The following VPS36 variants were observed in gnomAD, a reference collection of about 807,000 sequenced individuals.
VPS36 encodes vacuolar protein-sorting-associated protein 36.
In VPS36, 31 loss-of-function variants were observed where a neutral mutation model predicts 63.5. That is an observed-to-expected ratio of 0.49 (90% CI 0.37 to 0.66). The LOEUF (loss-of-function observed/expected upper bound fraction) is 0.66. Ranked by LOEUF, VPS36 falls within the 30% of genes least tolerant of loss-of-function variation. The pLI, the probability that VPS36 is intolerant of heterozygous loss-of-function variation, is 0.00. For synonymous variants in VPS36, 138 were observed against 157.2 expected, an observed-to-expected ratio of 0.88 and a Z score of 0.91; for missense variants, 338 against 463.7, an observed-to-expected ratio of 0.73 and a Z score of 2.49.
chr13:52,439,821 A>G (rs1314880913), intron 2 of VPS36, among the ~76,000 whole-genome samples: 1 of 152,218 alleles, frequency 6.6e-6, no homozygotes, highest in Non-Finnish European at 1.5e-5. Context: ...ACTGAAAGCA[A>G]AAAACAAATC....
At chr13:52,439,305 C>CT (rs1958250017) in intron 2 of VPS36, 137 bp from the exon 3 acceptor site, 6 of 660,668 alleles carry the variant, frequency 9.1e-6, no homozygotes, top group Non-Finnish European at 2.3e-6. Context: ...GATTTTACTC[C>CT]TTAAATGAAC....
chr13:52,432,432 C>T (rs1011109484), intron 6 of VPS36, among the ~76,000 whole-genome samples: 1 of 152,136 alleles, frequency 6.6e-6, no homozygotes, highest in Admixed American at 6.5e-5. Flanking sequence ...CAATTTATTA[C>T]CCTGATGATA....
At chr13:52,428,607 C>T (rs1045516162) in intron 6 of VPS36, among the ~76,000 whole-genome samples, 6 of 152,288 alleles carry the variant, frequency 3.9e-5, no homozygotes, top group East Asian at 3.9e-4. Flanking sequence ...AAACTCTGGG[C>T]GCCAGCTCTG....
intron 5 of VPS36, among the ~76,000 whole-genome samples, chr13:52,434,507 C>T (rs1314819805): frequency 5.3e-5 from 8 of 152,004 alleles, no homozygotes. Context: ...TACAGGCGTG[C>T]ACCAACCTGC....
At chr13:52,442,481 T>G (rs1037325422) in intron 1 of VPS36, 36 bp from the exon 2 acceptor site, 2 of 1,566,742 alleles carry the variant, frequency 1.3e-6, no homozygotes, top group Non-Finnish European at 1.7e-6. Flanking sequence ...ATTAATAACA[T>G]ATCACTCATT....
chr13:52,422,404 T>A (rs963302952), intron 10 of VPS36, among the ~76,000 whole-genome samples: 2 of 152,214 alleles, frequency 1.3e-5, no homozygotes, highest in Admixed American at 6.5e-5. Context: ...TTTTAAAAAA[T>A]GTTTATTTTA....
In VPS36 at chr13:52,434,798, G is replaced by T. The variant is rs1417073429; in HGVS notation, c.436C>A (p.Pro146Thr). The change falls in exon 5 of 14, where the codon CCC becomes ACC. Residue 146 changes from proline (P) to threonine (T), a missense_variant. By Grantham distance (38) the Pro-to-Thr change is conservative. Transcript: ENST00000378060. ...VSQSLQTNRG[P>T]QPGRIRAVGI... ...GCAAATAGTTTTAAAAATACCTGGG[G>T]TCCTCTATTTGTTTGTAATGACTGG... 2 of 1,612,472 alleles carry T rather than the reference G, an allele frequency of 1.2e-6. No individual in the cohort carries two copies. Among genetic ancestry groups the T allele is most frequent in the South Asian group, 1.1e-5 (1 of 90,722 alleles).
In VPS36 at chr13:52,450,549, TC is replaced by T; in HGVS notation, c.45del (p.Thr16ProfsTer3). 1 of 1,594,714 alleles carries T rather than the reference TC, an allele frequency of 6.3e-7. No homozygotes were observed. Among genetic ancestry groups the T allele is most frequent in the Non-Finnish European group, 8.5e-7 (1 of 1,170,896 alleles). On this transcript the variant is annotated frameshift_variant, in exon 1 of 14. Coordinates refer to ENST00000378060, the MANE Select transcript of VPS36 (RefSeq NM_016075.4). LOFTEE classifies it high-confidence loss of function. ...ACCCCGCGCTGCTGGATCACCAGGG[TC>T]TCGTTGATCTCCAGGAGGCCGCTGG... ...VWTSGLLEINETLVIQQRGVR... is the reference protein window; with the variant it reads ...VWTSGLLEINXTLVIQQRGVR...
chr13:52,450,456 G>T (rs776220793), intron 1 of VPS36, 43 bp downstream of exon 1: 3 of 1,560,092 alleles, frequency 1.9e-6, no homozygotes, highest in Non-Finnish European at 2.6e-6. Flanking sequence ...CCCACCGGGG[G>T]TCCCTTCCGC....
intron 3 of VPS36, 143 bp from the exon 4 acceptor site, chr13:52,436,547 T>C (rs943054894): frequency 3.1e-6 from 2 of 644,322 alleles, no homozygotes; most frequent in Non-Finnish European, 5.3e-6. Context: ...TTTTAAAGTG[T>C]GTATTAATTC....
At chr13:52,426,791 G>A (rs763460172) in intron 8 of VPS36, among the ~76,000 whole-genome samples, 198 bp downstream of exon 8, 1 of 152,132 alleles carries the variant, frequency 6.6e-6, no homozygotes, top group Non-Finnish European at 1.5e-5. Context: ...GGAGGCGGAT[G>A]TTGCAGTGAG....
intron 10 of VPS36, among the ~76,000 whole-genome samples, chr13:52,422,570 G>A (rs1171288216): frequency 6.6e-6 from 1 of 152,024 alleles, no homozygotes; most frequent in Non-Finnish European, 1.5e-5. Flanking sequence ...CTACCCTTAA[G>A]TACATTCCAG....
intron 10 of VPS36, among the ~76,000 whole-genome samples, chr13:52,419,609 G>C (rs1158754732): frequency 6.6e-6 from 1 of 152,124 alleles, no homozygotes; most frequent in Admixed American, 6.5e-5. Flanking sequence ...ACTGTAAATA[G>C]AACTATCACA....
intron 9 of VPS36, among the ~76,000 whole-genome samples, chr13:52,424,352 A>G (rs1270639602): frequency 6.6e-6 from 1 of 152,206 alleles, no homozygotes; most frequent in Non-Finnish European, 1.5e-5. Context: ...TGTTAACATC[A>G]CAAAAAATTT....
Position 52,425,314 on chromosome 13 carries a change from T to C in VPS36, c.774+618A>G, listed in dbSNP as rs1036469015. On this transcript the variant is annotated intron_variant, in intron 9 of 13. Coordinates refer to ENST00000378060, the MANE Select transcript of VPS36 (RefSeq NM_016075.4). ...TATTAGATAACATTAAGAAAGTATT[T>C]TAATTTTTTAGATTATGAAAGGGGA... Among the ~76,000 whole-genome samples, 2 of 152,130 alleles carry C rather than the reference T, an allele frequency of 1.3e-5. 1 individual carries two copies. The highest frequency in any genetic ancestry group is 4.8e-5 in the African/African-American group (2 of 41,424).
At chr13:52,450,418 C>G (rs1026608728) in intron 1 of VPS36, 81 bp downstream of exon 1, 3 of 1,431,708 alleles carry the variant, frequency 2.1e-6, no homozygotes, top group African/African-American at 3.0e-5. Flanking sequence ...GCCGCGCCGA[C>G]CCGGGCCGCG....
At position 52,435,350 on chromosome 13, in the gene VPS36, AAAGG is replaced by A. The variant is rs1289366431; in HGVS notation, c.352-472_352-469del. ...ATTCTCAGAGACATCAAAGAAAATC[AAAGG>A]AAGTTCTTTTCTTGGATCAGCTTCA... On this transcript the variant is annotated intron_variant, in intron 4 of 13. Transcript: ENST00000378060. 3.3e-5 allele frequency among the ~76,000 whole-genome samples: 5 copies of A among 152,292 alleles called. No homozygotes were observed. The East Asian group carries it at 9.6e-4, about 29-fold the overall frequency.
At position 52,415,286 on chromosome 13, in the gene VPS36, T is replaced by C. The variant is rs1201569965; in HGVS notation, c.*544A>G. On this transcript the variant is annotated 3_prime_UTR_variant, in exon 14 of 14. Coordinates refer to ENST00000378060, the MANE Select transcript of VPS36 (RefSeq NM_016075.4). ...ACAAAGAGAAACTAGATAGAATATA[T>C]ATAAATATATGTGTCAAATAAAATT... 1 of 152,210 alleles carries C rather than the reference T, an allele frequency of 6.6e-6. No homozygotes were observed. Among genetic ancestry groups the C allele is most frequent in the Admixed American group, 6.5e-5 (1 of 15,278 alleles). 9.4% of individuals were successfully genotyped at this position (152,210 alleles called of 1,614,324 possible). A position where few individuals can be genotyped will look rare whatever the true frequency, so the allele number is the denominator to read the frequency against.
intron 10 of VPS36, among the ~76,000 whole-genome samples, chr13:52,418,642 A>G (rs1958017370): frequency 1.3e-5 from 2 of 151,874 alleles, no homozygotes; most frequent in Admixed American, 6.6e-5. Flanking sequence ...TAATGCATAT[A>G]TTTTAAGATT....
Sources: gnomAD v4.1 joint callset for allele counts (sites outside exome capture counted in the v4.1 genomes callset) on GRCh38, gnomAD v4.1.1 for gene constraint, MANE v1.5 for transcripts, NCBI Gene and HGNC (gene_info 2026-07-23, HGNC 2026-07-21) for gene names.